PALM2AKAP2: variants seen among roughly 807,000 people sequenced by gnomAD.
PALM2AKAP2 encodes the protein PALM2 and AKAP2 fusion, also known as PALM2-AKAP2 fusion protein.
PALM2AKAP2 carries 37 observed loss-of-function variants against 71.5 expected under a neutral mutation model. The ratio of observed to expected loss-of-function variants is 0.52; its 90% CI spans 0.40 to 0.68. The LOEUF is 0.68. Among genes scored for constraint, PALM2AKAP2 ranks in the 30% least tolerant of loss-of-function variants. The pLI is 0.00. For synonymous variants in PALM2AKAP2, 468 were observed against 478.8 expected (o/e 0.98, Z 0.29); for missense variants, 1,224 against 1,191.8 (o/e 1.03, Z -0.40).
At chr9:109,839,004 G>A (rs947573556) in intron 1 of PALM2AKAP2, among the ~76,000 whole-genome samples, 1 of 152,166 alleles carries the variant, frequency 6.6e-6, no homozygotes, top group Non-Finnish European at 1.5e-5. Context: ...CAATGAATAG[G>A]AAAAGAGGGA....
chr9:109,982,116 C>A (rs890216587), intron 6 of PALM2AKAP2, among the ~76,000 whole-genome samples: 2 of 152,072 alleles, frequency 1.3e-5, no homozygotes, highest in African/African-American at 4.8e-5. Context: ...ACTATTCAGC[C>A]ATAAAAAAGA....
chr9:109,702,904 C>T (rs1256362602), intron 1 of PALM2AKAP2, among the ~76,000 whole-genome samples: 1 of 151,656 alleles, frequency 6.6e-6, no homozygotes, highest in Non-Finnish European at 1.5e-5. Context: ...CGGCAACCTC[C>T]GCTTCCCAGG....
At chr9:109,980,578 G>A (rs1832252090) in intron 6 of PALM2AKAP2, among the ~76,000 whole-genome samples, 1 of 152,164 alleles carries the variant, frequency 6.6e-6, no homozygotes, top group Non-Finnish European at 1.5e-5. Context: ...GCTAGAAGGA[G>A]CCTTCTCAAA....
intron 6 of PALM2AKAP2, among the ~76,000 whole-genome samples, chr9:109,941,633 G>A (rs1446474264): frequency 6.6e-6 from 1 of 152,220 alleles, no homozygotes; most frequent in Non-Finnish European, 1.5e-5. Context: ...CCTGGAGCCT[G>A]GTGGCTCTAT....
At chr9:110,145,090 C>G (rs960735063) in intron 2 of PALM2AKAP2, among the ~76,000 whole-genome samples, 13 of 152,282 alleles carry the variant, frequency 8.5e-5, no homozygotes, top group African/African-American at 2.9e-4. Context: ...ATGCCCAACC[C>G]CTGCATTTTC....
At chr9:110,053,228 A>T (rs879916115) in intron 1 of PALM2AKAP2, among the ~76,000 whole-genome samples, 1 of 152,150 alleles carries the variant, frequency 6.6e-6, no homozygotes. Context: ...GAGTAGGATC[A>T]AGAGACATGT....
At chr9:109,990,453 G>A (rs1449538200) in intron 6 of PALM2AKAP2, among the ~76,000 whole-genome samples, 1 of 152,164 alleles carries the variant, frequency 6.6e-6, no homozygotes, top group Admixed American at 6.5e-5. Flanking sequence ...GGCACAGTGA[G>A]CCCACATATT....
intron 1 of PALM2AKAP2, among the ~76,000 whole-genome samples, chr9:109,679,017 A>C (rs183167238): frequency 6.6e-6 from 1 of 152,154 alleles, no homozygotes; most frequent in Non-Finnish European, 1.5e-5. Context: ...CTTGTCTTTG[A>C]ATAATTATTT....
intron 6 of PALM2AKAP2, among the ~76,000 whole-genome samples, chr9:110,014,728 G>T (rs1418646693): frequency 7.5e-6 from 1 of 134,056 alleles, no homozygotes; most frequent in Non-Finnish European, 1.5e-5. Flanking sequence ...AGCCAAGATT[G>T]CACCACTGCA....
rs147032735 is a variant in PALM2AKAP2 at position 110,151,206 on chromosome 9, T to C, written c.2570-5113T>C. 4.0e-3 allele frequency among the ~76,000 whole-genome samples: 615 copies of C among 152,284 alleles called. 10 individuals are homozygous for C. The highest frequency in any genetic ancestry group is 3.7e-3 in the East Asian group (19 of 5,182). On this transcript the variant is annotated intron_variant, in intron 2 of 3. Transcript: ENST00000374525. ...TCATTTACTTACTTTAAAATTTTTT[T>C]CCCCTTCTGTATTCATTTACTTACT... is the stretch of plus-strand genomic sequence containing the variant.
At chr9:110,143,586 A>G (rs1280733764) in intron 2 of PALM2AKAP2, among the ~76,000 whole-genome samples, 1 of 152,126 alleles carries the variant, frequency 6.6e-6, no homozygotes, top group African/African-American at 2.4e-5. Context: ...ACCTTTTCAA[A>G]TGTCTTTTCA....
At chr9:110,069,250 C>T (rs966212553) in intron 1 of PALM2AKAP2, among the ~76,000 whole-genome samples, 35 of 152,202 alleles carry the variant, frequency 2.3e-4, no homozygotes, top group Admixed American at 6.5e-5. Context: ...AGTAACAAGT[C>T]CGACATGGCT....
At chr9:110,141,015 C>T (rs1182069405) in intron 2 of PALM2AKAP2, among the ~76,000 whole-genome samples, 1 of 152,174 alleles carries the variant, frequency 6.6e-6, no homozygotes, top group South Asian at 2.1e-4. Flanking sequence ...TATTTTCAGG[C>T]TTCTCTGTCT....
chr9:110,121,856 T>C (rs1016820153), intron 1 of PALM2AKAP2, among the ~76,000 whole-genome samples: 1 of 152,202 alleles, frequency 6.6e-6, no homozygotes, highest in African/African-American at 2.4e-5. Context: ...CTTGAGACTC[T>C]GCCCACTCAA....
At chr9:109,743,960 A>G (rs1412446782) in intron 1 of PALM2AKAP2, among the ~76,000 whole-genome samples, 1 of 152,120 alleles carries the variant, frequency 6.6e-6, no homozygotes, top group Non-Finnish European at 1.5e-5. Flanking sequence ...TCTATGTTCT[A>G]TTTGGCCTTT....
intron 1 of PALM2AKAP2, among the ~76,000 whole-genome samples, chr9:110,052,915 C>A (rs1460572648): frequency 6.6e-6 from 1 of 152,208 alleles, no homozygotes; most frequent in African/African-American, 2.4e-5. Context: ...ACTGAAACCT[C>A]CAGTATAAAC....
At chr9:109,994,702 G>C (rs1832543346) in intron 6 of PALM2AKAP2, among the ~76,000 whole-genome samples, 1 of 152,024 alleles carries the variant, frequency 6.6e-6, no homozygotes, top group Admixed American at 6.6e-5. Flanking sequence ...GTTCTCCATT[G>C]CTCTGTCTCC....
At chr9:109,674,820 T>A (rs1827625976) in intron 1 of PALM2AKAP2, among the ~76,000 whole-genome samples, 1 of 152,078 alleles carries the variant, frequency 6.6e-6, no homozygotes, top group Non-Finnish European at 1.5e-5. Context: ...ATAGAGGAGA[T>A]CCCGCATCTT....
chr9:109,669,365 C>T (rs1251955084), intron 1 of PALM2AKAP2, among the ~76,000 whole-genome samples: 2 of 151,666 alleles, frequency 1.3e-5, no homozygotes, highest in Admixed American at 6.6e-5. Context: ...TTCTGTCAGG[C>T]TTCTTTATCT....
Sources: allele counts gnomAD v4.1 joint callset (sites outside exome capture counted in the v4.1 genomes callset), GRCh38; gene constraint gnomAD v4.1.1; transcripts MANE v1.5; gene names NCBI Gene and HGNC (gene_info 2026-07-23, HGNC 2026-07-21).